Variants in RAB9B observed in about 807,000 individuals in gnomAD.
RAB9B encodes RAB9B, member RAS oncogene family, also known as ras-related protein Rab-9B.
A neutral mutation model predicts 8.9 loss-of-function variants in RAB9B; 1 was observed. The observed-to-expected ratio is 0.11, with a 90% confidence interval of 0.04 to 0.53. RAB9B has a LOEUF of 0.53. Among genes scored for constraint, RAB9B ranks in the 20% least tolerant of loss-of-function variants. The pLI is 0.93. For synonymous variants in RAB9B, 63 were observed against 57.0 expected, an observed-to-expected ratio of 1.10 and a Z score of -0.47; for missense variants, 82 against 152.9, an observed-to-expected ratio of 0.54 and a Z score of 2.45.
At chrX:103,777,659 G>C in the RAB9B span, among the ~76,000 whole-genome samples, 1 of 111,960 alleles carries the variant, frequency 8.9e-6, no homozygotes, top group East Asian at 2.8e-4. Flanking sequence ...TTTCCTGAAG[G>C]CTCTTTGCTG....
At chrX:103,803,040 T>C in the RAB9B span, among the ~76,000 whole-genome samples, 882 of 112,209 alleles carry the variant, frequency 7.9e-3, 10 homozygotes, top group African/African-American at 0.027. Flanking sequence ...TATATTTCAA[T>C]TGCTGAATAA....
chrX:103,800,524 C>T, the RAB9B span, among the ~76,000 whole-genome samples: 3 of 111,494 alleles, frequency 2.7e-5, no homozygotes, highest in African/African-American at 9.8e-5. Context: ...TCTTCCCTCA[C>T]CCTCATTTCA....
chrX:103,788,787 A>T, the RAB9B span: 1 of 366,982 alleles, frequency 2.7e-6, no homozygotes, highest in Non-Finnish European at 4.7e-6. Flanking sequence ...CCTAATGGCA[A>T]AATCCCCCAC....
At chrX:103,785,342 G>A in the RAB9B span, among the ~76,000 whole-genome samples, 2 of 112,642 alleles carry the variant, frequency 1.8e-5, no homozygotes, top group African/African-American at 6.4e-5. Flanking sequence ...CTCCCAAAGT[G>A]CTGGGATTAC....
Position 103,825,330 on chromosome X carries a change from T to C in RAB9B, c.455A>G (p.Glu152Gly), listed in dbSNP as rs779932850. The change falls in exon 3 of 3, where the codon GAA (glutamate) becomes GGA (glycine). Residue 152 changes from glutamate (E) to glycine (G), a missense_variant. Glu to Gly is a moderately conservative substitution (Grantham distance 98). Transcript: ENST00000243298. ...ATTAGTATCATCTTTGGCACTAGTTTCTAAATAAGGGTAATCCCCATTCTC... is the reference window on the plus strand; with the variant it reads ...ATTAGTATCATCTTTGGCACTAGTTCCTAAATAAGGGTAATCCCCATTCTC... ...CMENGDYPYL[E>G]TSAKDDTNVT... is the part of the protein sequence containing the mutation. 8.3e-7 allele frequency: 1 copy of C among 1,209,771 alleles called. No homozygotes were observed.
At chrX:103,794,966 T>C in the RAB9B span, among the ~76,000 whole-genome samples, 1 of 112,528 alleles carries the variant, frequency 8.9e-6, no homozygotes, top group African/African-American at 3.2e-5. Flanking sequence ...AGTGTTTTAC[T>C]GATTATGGAT....
At chrX:103,787,875 C>A in the RAB9B span, 1 of 1,207,393 alleles carries the variant, frequency 8.3e-7, no homozygotes, top group Non-Finnish European at 1.1e-6. Context: ...TGTACATTTA[C>A]TTCAACACCT....
the RAB9B span, among the ~76,000 whole-genome samples, chrX:103,795,760 C>G: frequency 8.9e-6 from 1 of 111,944 alleles, no homozygotes; most frequent in Non-Finnish European, 1.9e-5. Context: ...CACAAGTGAA[C>G]AGAAACACAC....
the RAB9B span, among the ~76,000 whole-genome samples, chrX:103,794,058 TG>T: frequency 9.0e-6 from 1 of 111,628 alleles, no homozygotes; most frequent in Non-Finnish European, 1.9e-5. Flanking sequence ...AGTTCAAGTT[TG>T]GGGGCAGTGT....
chrX:103,781,322 T>C, the RAB9B span: 4 of 324,857 alleles, frequency 1.2e-5, no homozygotes, highest in Admixed American at 1.3e-4. Context: ...GTCACATTGG[T>C]TCTGTTGATC....
chrX:103,790,250 ACT>A, the RAB9B span, among the ~76,000 whole-genome samples: 3 of 112,135 alleles, frequency 2.7e-5, no homozygotes, highest in African/African-American at 9.7e-5. Flanking sequence ...CCTGAGGAAA[ACT>A]CAGTGCTAGA....
chrX:103,778,423 A>G, the RAB9B span, among the ~76,000 whole-genome samples: 1 of 111,970 alleles, frequency 8.9e-6, no homozygotes, highest in Non-Finnish European at 1.9e-5. Context: ...TGAATGTTGG[A>G]GGAACTCAAT....
the RAB9B span, among the ~76,000 whole-genome samples, chrX:103,797,886 C>T: frequency 9.0e-6 from 1 of 111,718 alleles, no homozygotes; most frequent in Non-Finnish European, 1.9e-5. Context: ...TCCATTCATT[C>T]CCCAGTCATC....
downstream of RAB9B, among the ~76,000 whole-genome samples, chrX:103,820,963 C>G (rs1435683124): frequency 2.2e-5 from 1 of 45,769 alleles, no homozygotes; most frequent in Non-Finnish European, 3.9e-5. Context: ...CACACACACA[C>G]ACACACACAC....
the RAB9B span, among the ~76,000 whole-genome samples, chrX:103,783,919 T>C: frequency 9.9e-6 from 1 of 101,191 alleles, no homozygotes; most frequent in Admixed American, 1.0e-4. Context: ...TTTATAGATA[T>C]ATAAAATCAG....
the RAB9B span, among the ~76,000 whole-genome samples, chrX:103,784,440 C>T: frequency 8.9e-6 from 1 of 111,794 alleles, no homozygotes; most frequent in Non-Finnish European, 1.9e-5. Flanking sequence ...TGTCCAAAAT[C>T]ATTAAGCCTG....
chrX:103,810,958 A>G, the RAB9B span, among the ~76,000 whole-genome samples: 2 of 111,920 alleles, frequency 1.8e-5, no homozygotes, highest in East Asian at 5.6e-4. Flanking sequence ...AAGTTATAAA[A>G]ATCATGTCCA....
At chrX:103,810,212 A>G in the RAB9B span, among the ~76,000 whole-genome samples, 3 of 111,479 alleles carry the variant, frequency 2.7e-5, no homozygotes, top group Non-Finnish European at 5.7e-5. Context: ...CTAGGCAAAT[A>G]GTGAAGGGGA....
chrX:103,816,671 C>T, the RAB9B span, among the ~76,000 whole-genome samples: 1 of 111,936 alleles, frequency 8.9e-6, no homozygotes, highest in Admixed American at 9.5e-5. Flanking sequence ...AAAATTTTTG[C>T]AATCTATCCA....
Sources: allele counts gnomAD v4.1 joint callset (sites outside exome capture counted in the v4.1 genomes callset), GRCh38; gene constraint gnomAD v4.1.1; transcripts MANE v1.5; gene names NCBI Gene and HGNC (gene_info 2026-07-23, HGNC 2026-07-21).